Variants in SMAP1 observed in about 807,000 individuals in gnomAD.
SMAP1 encodes small ArfGAP 1.
Under a neutral mutation model 58.5 loss-of-function variants are expected in SMAP1, and 24 were observed. The ratio of observed to expected loss-of-function variants is 0.41; its 90% CI spans 0.30 to 0.58. The LOEUF is 0.58. SMAP1 is among the 20% of genes least tolerant of loss of function. The pLI is 0.29. For synonymous variants in SMAP1, 216 were observed against 196.6 expected, an observed-to-expected ratio of 1.10 and a Z score of -0.82; for missense variants, 563 against 566.3, an observed-to-expected ratio of 0.99 and a Z score of 0.06.
chr6:70,769,681 A>T (rs984152638), intron 3 of SMAP1, among the ~76,000 whole-genome samples: 2 of 152,176 alleles, frequency 1.3e-5, no homozygotes, highest in African/African-American at 2.4e-5. Flanking sequence ...AATACAGCAC[A>T]CTGATGGGTC....
chr6:70,857,393 TAAA>T (rs893521436), intron 9 of SMAP1: 2 of 172,586 alleles, frequency 1.2e-5, no homozygotes, highest in African/African-American at 4.8e-5. Flanking sequence ...CCACATGGAT[TAAA>T]AAAAATCTAT....
intron 1 of SMAP1, among the ~76,000 whole-genome samples, chr6:70,671,187 T>A (rs942528867): frequency 7.2e-5 from 11 of 152,034 alleles, no homozygotes; most frequent in Non-Finnish European, 1.3e-4. Context: ...GATTTTTGTT[T>A]TTTTTTTTCA....
chr6:70,840,376 A>G (rs958861671), intron 7 of SMAP1, among the ~76,000 whole-genome samples: 2 of 152,182 alleles, frequency 1.3e-5, no homozygotes, highest in African/African-American at 2.4e-5. Flanking sequence ...CTGATCTACT[A>G]CCCATTCAAA....
intron 7 of SMAP1, chr6:70,837,657 T>A: frequency 2.5e-6 from 1 of 395,900 alleles, no homozygotes; most frequent in Non-Finnish European, 3.5e-6. Flanking sequence ...ATTGTTAGCT[T>A]CTCTCTCTCT....
chr6:70,755,596 GACTTAAAATATTTTC>G (rs1257405925), intron 3 of SMAP1, among the ~76,000 whole-genome samples: 2 of 151,926 alleles, frequency 1.3e-5, no homozygotes, highest in African/African-American at 2.4e-5. Context: ...ATGCATTTTT[GACTTAAAATATTTTC>G]AACTTAGGAT....
At chr6:70,767,496 A>T (rs905753610) in intron 3 of SMAP1, among the ~76,000 whole-genome samples, 3 of 152,040 alleles carry the variant, frequency 2.0e-5, no homozygotes, top group African/African-American at 7.3e-5. Context: ...TAAGTATTTT[A>T]TTATCTTTGA....
At chr6:70,822,025 T>G (rs1351876041) in intron 6 of SMAP1, among the ~76,000 whole-genome samples, 1 of 152,190 alleles carries the variant, frequency 6.6e-6, no homozygotes, top group Non-Finnish European at 1.5e-5. Flanking sequence ...CATTTCCTAG[T>G]TAATGAAAGA....
At chr6:70,743,689 T>G (rs766415213) in intron 2 of SMAP1, among the ~76,000 whole-genome samples, 2 of 152,226 alleles carry the variant, frequency 1.3e-5, no homozygotes, top group African/African-American at 4.8e-5. Context: ...TTTCTCAAAT[T>G]AGGGCCTCAG....
At chr6:70,786,282 A>T (rs1312752084) in intron 4 of SMAP1, among the ~76,000 whole-genome samples, 2 of 147,194 alleles carry the variant, frequency 1.4e-5, no homozygotes, top group East Asian at 2.0e-4. Flanking sequence ...TCAATAAATT[A>T]GGTATTGGTG....
At chr6:70,758,415 A>G (rs1766603533) in intron 3 of SMAP1, among the ~76,000 whole-genome samples, 1 of 149,982 alleles carries the variant, frequency 6.7e-6, no homozygotes, top group African/African-American at 2.4e-5. Context: ...GATATACCTA[A>G]TGCTAGATGA....
At chr6:70,799,557 A>G (rs1397258364) in intron 6 of SMAP1, among the ~76,000 whole-genome samples, 1 of 152,182 alleles carries the variant, frequency 6.6e-6, no homozygotes, top group Non-Finnish European at 1.5e-5. Context: ...TAAAGGGAGC[A>G]TCCTTGATTT....
At chr6:70,725,421 T>A (rs573865551) in intron 1 of SMAP1, among the ~76,000 whole-genome samples, 3 of 152,148 alleles carry the variant, frequency 2.0e-5, no homozygotes, top group African/African-American at 7.2e-5. Flanking sequence ...TTTTTATGGC[T>A]TGTTTCCTGG....
At chr6:70,671,114 C>G (rs944418759) in intron 1 of SMAP1, among the ~76,000 whole-genome samples, 1 of 152,104 alleles carries the variant, frequency 6.6e-6, no homozygotes, top group African/African-American at 2.4e-5. Context: ...ACTGGGAATG[C>G]CTTGCCAGCT....
At chr6:70,712,941 G>T (rs753536581) in intron 1 of SMAP1, among the ~76,000 whole-genome samples, 2 of 151,518 alleles carry the variant, frequency 1.3e-5, no homozygotes, top group Non-Finnish European at 2.9e-5. Flanking sequence ...ACAGGCATGT[G>T]CCACCACACC....
chr6:70,735,330 A>G (rs367967286), intron 2 of SMAP1, among the ~76,000 whole-genome samples: 7 of 152,150 alleles, frequency 4.6e-5, no homozygotes, highest in African/African-American at 1.7e-4. Context: ...TTTCTATCCC[A>G]TTGGGTTAGT....
At chr6:70,852,403 G>A in intron 7 of SMAP1, 137 bp from the exon 8 acceptor site, 1 of 813,846 alleles carries the variant, frequency 1.2e-6, no homozygotes, top group South Asian at 3.1e-5. Context: ...ATCGGGGGTA[G>A]GTAGAAGGAG....
chr6:70,857,169 C>T, intron 9 of SMAP1, 139 bp downstream of exon 9: 1 of 787,118 alleles, frequency 1.3e-6, no homozygotes, highest in Non-Finnish European at 1.8e-6. Flanking sequence ...AACTATGAAG[C>T]CGAAATGAAT....
Position 70,773,438 on chromosome 6 carries a change from T to G in SMAP1, c.414+13T>G, listed in dbSNP as rs1358056895. 1 of 1,447,826 alleles carries G rather than the reference T, an allele frequency of 6.9e-7. No homozygotes were observed. The highest frequency in any genetic ancestry group is 2.3e-5 in the East Asian group (1 of 43,510). 89.7% of individuals were successfully genotyped at this position (1,447,826 alleles called of 1,614,324 possible). A position where few individuals can be genotyped will look rare whatever the true frequency, so the allele number is the denominator to read the frequency against. ...AGCTATTACAAATGTAAGTAAAACC[T>G]TCATCTCTCATCAATTGTTTGTTGA... On this transcript the variant is annotated intron_variant, in intron 4 of 10. Transcript: ENST00000370455.
chr6:70,848,192 A>G (rs959372636), intron 7 of SMAP1, among the ~76,000 whole-genome samples: 1 of 152,150 alleles, frequency 6.6e-6, no homozygotes, highest in Non-Finnish European at 1.5e-5. Flanking sequence ...TAGTTGACCA[A>G]GGCCTGATTA....
Sources: allele counts gnomAD v4.1 joint callset (sites outside exome capture counted in the v4.1 genomes callset), GRCh38; gene constraint gnomAD v4.1.1; transcripts MANE v1.5; gene names NCBI Gene and HGNC (gene_info 2026-07-23, HGNC 2026-07-21).